The following GPHN variants were observed in gnomAD, a reference collection of about 807,000 sequenced individuals.
The protein encoded by GPHN is gephyrin.
In GPHN, 17 loss-of-function variants were observed where a neutral mutation model predicts 95.5. That is an observed-to-expected ratio of 0.18 (90% CI 0.12 to 0.27). The LOEUF (loss-of-function observed/expected upper bound fraction) is 0.27. GPHN is among the 10% of genes least tolerant of loss of function. The pLI, the probability that GPHN is intolerant of heterozygous loss-of-function variation, is 1.00. For synonymous variants in GPHN, 320 were observed against 322.5 expected (o/e 0.99, Z 0.08); for missense variants, 660 against 978.1 (o/e 0.67, Z 4.34).
At chr14:67,548,653 T>A in the GPHN span, among the ~76,000 whole-genome samples, 1 of 152,112 alleles carries the variant, frequency 6.6e-6, no homozygotes, top group Non-Finnish European at 1.5e-5. Context: ...GCCAAGATTG[T>A]GCCATTGCAC....
the GPHN span, among the ~76,000 whole-genome samples, chr14:67,240,818 T>C: frequency 6.6e-6 from 1 of 152,218 alleles, no homozygotes; most frequent in African/African-American, 2.4e-5. Flanking sequence ...ATCCTTGCTT[T>C]CTGGTTTTCA....
intron 12 of GPHN, among the ~76,000 whole-genome samples, chr14:67,095,671 T>C (rs2077337947): frequency 6.6e-6 from 1 of 151,652 alleles, no homozygotes; most frequent in South Asian, 2.1e-4. Context: ...CAGTAAACTA[T>C]CGCAAGGACA....
chr14:66,802,411 G>A (rs1284684603), intron 3 of GPHN, among the ~76,000 whole-genome samples: 1 of 152,140 alleles, frequency 6.6e-6, no homozygotes, highest in Non-Finnish European at 1.5e-5. Flanking sequence ...CATCCAAGAG[G>A]CAGTTCCTGG....
the GPHN span, chr14:67,642,322 G>T: frequency 6.2e-7 from 1 of 1,614,104 alleles, no homozygotes; most frequent in African/African-American, 1.3e-5. Flanking sequence ...GCAGAGCTGT[G>T]TCAGATGGCT....
chr14:67,171,086 C>T (rs1016413024), intron 21 of GPHN, among the ~76,000 whole-genome samples: 2 of 152,048 alleles, frequency 1.3e-5, no homozygotes, highest in African/African-American at 2.4e-5. Flanking sequence ...CAGTGGCACT[C>T]GCCTGTAATC....
chr14:67,703,828 A>T, the GPHN span, among the ~76,000 whole-genome samples: 2 of 152,056 alleles, frequency 1.3e-5, no homozygotes, highest in African/African-American at 4.8e-5. Context: ...GGTGCATACC[A>T]CCGTGCCTGG....
At chr14:67,631,520 C>CAGG in the GPHN span, among the ~76,000 whole-genome samples, 1 of 149,982 alleles carries the variant, frequency 6.7e-6, no homozygotes, top group Non-Finnish European at 1.5e-5. Context: ...ACTACAGCCT[C>CAGG]CACCTCCCAG....
the GPHN span, among the ~76,000 whole-genome samples, chr14:67,232,473 G>GCCAC: frequency 3.9e-5 from 6 of 152,124 alleles, no homozygotes; most frequent in African/African-American, 1.4e-4. Flanking sequence ...TAACCTCAGA[G>GCCAC]CCACCCAGTT....
chr14:67,626,587 C>T, the GPHN span, among the ~76,000 whole-genome samples: 1 of 152,144 alleles, frequency 6.6e-6, no homozygotes, highest in Non-Finnish European at 1.5e-5. Flanking sequence ...ATCTCGGCCT[C>T]AGCCTTCTGA....
the GPHN span, chr14:67,569,913 C>G: frequency 6.3e-7 from 1 of 1,588,330 alleles, no homozygotes; most frequent in South Asian, 1.1e-5. Context: ...CCTCTCTTCC[C>G]TGCTCAGCTT....
At chr14:67,138,548 A>G (rs1052254112) in intron 17 of GPHN, among the ~76,000 whole-genome samples, 1 of 152,166 alleles carries the variant, frequency 6.6e-6, no homozygotes, top group Non-Finnish European at 1.5e-5. Context: ...CAGTTTTTAT[A>G]TGTTAAAAAT....
At chr14:66,651,548 A>G (rs977635614) in intron 1 of GPHN, among the ~76,000 whole-genome samples, 2 of 152,174 alleles carry the variant, frequency 1.3e-5, no homozygotes, top group Admixed American at 6.5e-5. Flanking sequence ...TTCCTGAATA[A>G]GTCAGGTGAA....
chr14:67,345,866 C>T, the GPHN span: 1 of 1,610,448 alleles, frequency 6.2e-7, no homozygotes, highest in Non-Finnish European at 8.5e-7. Context: ...CCAGTCAGTT[C>T]ATAACCTGAA....
At chr14:67,330,917 GC>G in the GPHN span, among the ~76,000 whole-genome samples, 1 of 152,120 alleles carries the variant, frequency 6.6e-6, no homozygotes, top group Non-Finnish European at 1.5e-5. Context: ...TTATTTTATG[GC>G]CCAACATCTG....
the GPHN span, chr14:67,575,679 C>G: frequency 1.4e-6 from 1 of 729,266 alleles, no homozygotes; most frequent in Non-Finnish European, 2.3e-6. Context: ...GCCAGCCTGG[C>G]TGGGATGCTA....
intron 4 of GPHN, among the ~76,000 whole-genome samples, chr14:66,873,656 A>G (rs944428220): frequency 1.3e-5 from 2 of 152,156 alleles, no homozygotes; most frequent in African/African-American, 4.8e-5. Flanking sequence ...GGAAGTTCGG[A>G]CTGGACAGAG....
intron 2 of GPHN, among the ~76,000 whole-genome samples, chr14:66,683,838 G>A (rs537386835): frequency 1.3e-5 from 2 of 151,716 alleles, no homozygotes; most frequent in South Asian, 4.2e-4. Flanking sequence ...TTAGCCAGGC[G>A]TGGTGGCGGG....
At chr14:66,614,139 C>T (rs2062898067) in intron 1 of GPHN, among the ~76,000 whole-genome samples, 1 of 152,130 alleles carries the variant, frequency 6.6e-6, no homozygotes, top group Non-Finnish European at 1.5e-5. Context: ...AACTCTCCCA[C>T]TTACAAATTT....
At chr14:67,280,650 C>G in the GPHN span, among the ~76,000 whole-genome samples, 1 of 152,148 alleles carries the variant, frequency 6.6e-6, no homozygotes, top group East Asian at 1.9e-4. Flanking sequence ...TGAATGGAAA[C>G]CGGTATCCAG....
Sources: allele counts gnomAD v4.1 joint callset (sites outside exome capture counted in the v4.1 genomes callset), GRCh38; gene constraint gnomAD v4.1.1; transcripts MANE v1.5; gene names NCBI Gene and HGNC (gene_info 2026-07-23, HGNC 2026-07-21).